Variants in DHTKD1 observed in about 807,000 individuals in gnomAD.
DHTKD1 encodes the protein 2-oxoadipate dehydrogenase complex component E1.
Under a neutral mutation model 101.8 loss-of-function variants are expected in DHTKD1, and 78 were observed. The observed-to-expected ratio is 0.77, with a 90% CI of 0.64 to 0.93. The LOEUF (loss-of-function observed/expected upper bound fraction) is 0.93, where lower values mean the gene tolerates loss of function less well. Among genes scored for constraint, DHTKD1 ranks in the 40% least tolerant of loss-of-function variants. The pLI is 0.00. For synonymous variants in DHTKD1, 462 were observed against 450.3 expected, an observed-to-expected ratio of 1.03 and a Z score of -0.33; for missense variants, 1,223 against 1,161.7, an observed-to-expected ratio of 1.05 and a Z score of -0.77.
At chr10:12,095,738 G>A (rs1252437043) in intron 7 of DHTKD1, among the ~76,000 whole-genome samples, 2 of 145,878 alleles carry the variant, frequency 1.4e-5, no homozygotes, top group Non-Finnish European at 3.0e-5. Flanking sequence ...GCGTGAACCC[G>A]GGAGGCGGAG....
chr10:12,101,615 T>A (rs1011774714), intron 10 of DHTKD1, among the ~76,000 whole-genome samples: 2 of 152,182 alleles, frequency 1.3e-5, no homozygotes, highest in African/African-American at 4.8e-5. Flanking sequence ...TTCTTTCTTT[T>A]TTTTCGGAGA....
chr10:12,091,933 T>G (rs1178909520), intron 6 of DHTKD1, among the ~76,000 whole-genome samples: 1 of 151,948 alleles, frequency 6.6e-6, no homozygotes, highest in Middle Eastern at 3.2e-3. Context: ...GCCTCCTGAT[T>G]AGCTGGGACC....
chr10:12,117,743 T>C lies in DHTKD1; in HGVS notation c.2390T>C (p.Val797Ala), dbSNP rs545835536. The change falls in exon 14 of 17, where the codon GTG becomes GCG. Residue 797 changes from valine (V) to alanine (A), a missense_variant. Transcript: ENST00000263035. ...AACCCGGTCATTGGTGATTCATCTG[T>C]GGATCCAAAAAAGTAAGATATGTAT... Reference protein sequence around the residue: ...TFNPVIGDSSVDPKKVKTLVF... With the variant: ...TFNPVIGDSSADPKKVKTLVF... 42 of 1,594,676 alleles carry C rather than the reference T, an allele frequency of 2.6e-5. 1 individual carries two copies. The East Asian group carries it at 4.1e-4, about 15-fold the overall frequency.
At chr10:12,105,109 T>C (rs7914296) in intron 10 of DHTKD1, among the ~76,000 whole-genome samples, 147,493 of 152,170 alleles carry the variant, frequency 0.97, 71,658 homozygotes, top group Middle Eastern at 1. Context: ...ATCCTCCTGC[T>C]TTGGCCTCCC....
chr10:12,116,556 A>ACT, intron 13 of DHTKD1, among the ~76,000 whole-genome samples: 1 of 151,374 alleles, frequency 6.6e-6, no homozygotes, highest in East Asian at 2.0e-4. Context: ...ACGCCCAGCT[A>ACT]ACTTTTATAA....
intron 1 of DHTKD1, among the ~76,000 whole-genome samples, chr10:12,080,870 C>T (rs955208489): frequency 1.3e-5 from 2 of 151,410 alleles, no homozygotes; most frequent in African/African-American, 4.9e-5. Flanking sequence ...GGTTCAAGAC[C>T]AACCTGGGCA....
chr10:12,069,006 A>T lies in DHTKD1; in HGVS notation c.-28A>T, dbSNP rs777686592. The T allele has an allele frequency of 1.2e-6, 2 of 1,612,010 alleles. No individual in the cohort carries two copies. The highest frequency in any genetic ancestry group is 1.7e-6 in the Non-Finnish European group (2 of 1,179,296). Reference sequence around the variant, plus strand: ...TGGGATCCCCTCGGGCTCCCGCCTTAGCATGCTGGCCGGGACATCTGGTGA... The same window carrying T: ...TGGGATCCCCTCGGGCTCCCGCCTTTGCATGCTGGCCGGGACATCTGGTGA... On this transcript the variant is annotated 5_prime_UTR_variant, in exon 1 of 17. Transcript: ENST00000263035.
intron 1 of DHTKD1, among the ~76,000 whole-genome samples, chr10:12,076,344 C>T (rs1832730689): frequency 1.3e-5 from 2 of 152,160 alleles, no homozygotes; most frequent in African/African-American, 4.8e-5. Context: ...GATGTGGTGG[C>T]ACAGGCCTGT....
In DHTKD1 at chr10:12,103,152, G is replaced by A. The variant is rs924361899; in HGVS notation, c.1896+1971G>A. ...GCAGGAGAATTGCTTGAACCCAGGA[G>A]GCAGAGGTAGTGAGCGGAGATCATA... On this transcript the variant is annotated intron_variant, in intron 10 of 16. Coordinates refer to ENST00000263035, the MANE Select transcript of DHTKD1 (RefSeq NM_018706.7). The surrounding 1 kb of genome is among the most constrained non-coding windows in gnomAD (Gnocchi z 4.8). Among the ~76,000 whole-genome samples, 3 of 152,076 alleles carry A rather than the reference G, an allele frequency of 2.0e-5. No homozygotes were observed. Among genetic ancestry groups the A allele is most frequent in the Non-Finnish European group, 2.9e-5 (2 of 68,030 alleles).
chr10:12,120,854 A>C lies in DHTKD1; in HGVS notation c.2726A>C (p.Gln909Pro). 1 of 1,614,104 alleles carries C rather than the reference A, an allele frequency of 6.2e-7. No individual in the cohort carries two copies. Among genetic ancestry groups the C allele is most frequent in the Non-Finnish European group, 8.5e-7 (1 of 1,179,960 alleles). The change falls in exon 17 of 17, where the codon CAG becomes CCG. Residue 909 changes from glutamine to proline, a missense_variant. Coordinates refer to ENST00000263035, the MANE Select transcript of DHTKD1 (RefSeq NM_018706.7). Reference protein sequence around the residue: ...AVGIGTVHLHQHEDILAKTFA With the variant: ...AVGIGTVHLHPHEDILAKTFA ...GGAATTGGCACAGTTCACTTGCACCAGCATGAAGATATCCTCGCCAAGACC... is the reference window on the plus strand; with the variant it reads ...GGAATTGGCACAGTTCACTTGCACCCGCATGAAGATATCCTCGCCAAGACC...
chr10:12,091,771 C>T (rs964636524), intron 6 of DHTKD1, 87 bp downstream of exon 6: 2 of 1,036,626 alleles, frequency 1.9e-6, no homozygotes, highest in African/African-American at 1.7e-5. Flanking sequence ...CAATGAGCCT[C>T]ACTGGTTATC....
intron 1 of DHTKD1, among the ~76,000 whole-genome samples, chr10:12,078,499 C>A (rs1230643355): frequency 2.0e-5 from 3 of 151,942 alleles, no homozygotes; most frequent in Non-Finnish European, 4.4e-5. Flanking sequence ...GCAACCCCAG[C>A]TACTTGGAGA....
chr10:12,090,235 C>A (rs1312420027), intron 5 of DHTKD1, among the ~76,000 whole-genome samples: 1 of 152,096 alleles, frequency 6.6e-6, no homozygotes, highest in Non-Finnish European at 1.5e-5. Context: ...ATATATAAGG[C>A]AATCAAATAT....
chr10:12,076,436 A>C (rs984720096), intron 1 of DHTKD1, among the ~76,000 whole-genome samples: 3 of 151,110 alleles, frequency 2.0e-5, no homozygotes, highest in African/African-American at 7.3e-5. Flanking sequence ...AGATGGTGCC[A>C]CTGCACTCCA....
chr10:12,081,526 C>G lies in DHTKD1; in HGVS notation c.209C>G (p.Ala70Gly), dbSNP rs34644609. The G allele has an allele frequency of 6.0e-3, 9,764 of 1,614,056 alleles. 39 individuals are homozygous for G. The highest frequency in any genetic ancestry group is 7.2e-3 in the Non-Finnish European group (8,478 of 1,179,956). Reference protein sequence around the residue: ...VTVYCEHGHKAAKINPLFTGQ... With the variant: ...VTVYCEHGHKGAKINPLFTGQ... ...GTATATTGTGAGCATGGTCATAAAG[C>G]TGCCAAAATCAACCCCCTCTTCACC... Residue 70 changes from alanine to glycine, a missense_variant, in exon 2 of 17, where the codon GCT becomes GGT. Transcript: ENST00000263035.
chr10:12,079,558 C>T (rs1380624249), intron 1 of DHTKD1, among the ~76,000 whole-genome samples: 2 of 152,060 alleles, frequency 1.3e-5, no homozygotes, highest in African/African-American at 4.8e-5. Context: ...GTCCCAGCTA[C>T]TCAGGAGGCT....
intron 16 of DHTKD1, among the ~76,000 whole-genome samples, 199 bp from the exon 17 acceptor site, chr10:12,120,588 G>A (rs1833512060): frequency 6.6e-6 from 1 of 151,818 alleles, no homozygotes; most frequent in Non-Finnish European, 1.5e-5. Flanking sequence ...CGCCCACCTC[G>A]GCCTCCCAAA....
At position 12,089,202 on chromosome 10, in the gene DHTKD1, G is replaced by A. The variant is rs775089419; in HGVS notation, c.934G>A (p.Asp312Asn). Reference protein sequence around the residue: ...RGRQQSRQDGDYSPDNSAQPG... With the variant: ...RGRQQSRQDGNYSPDNSAQPG... ...CAGGCAGCAGTCTCGCCAAGACGGC[G>A]ATTACTCTCCAGACAACTCAGCCCA... Residue 312 changes from aspartate (D) to asparagine (N), a missense_variant, in exon 5 of 17, where the codon GAT (aspartate) becomes AAT (asparagine). Asp to Asn is a conservative substitution (Grantham distance 23, BLOSUM62 1). Transcript: ENST00000263035. 34 of 1,614,016 alleles carry A rather than the reference G, an allele frequency of 2.1e-5. No homozygotes were observed. Among genetic ancestry groups the A allele is most frequent in the Middle Eastern group, 3.3e-4 (2 of 6,084 alleles).
chr10:12,075,461 C>T lies in DHTKD1; in HGVS notation c.155-6011C>T, dbSNP rs149320859. On this transcript the variant is annotated intron_variant, in intron 1 of 16. Coordinates refer to ENST00000263035, the MANE Select transcript of DHTKD1 (RefSeq NM_018706.7). ...TTCAGCGTGTTAGCCAGGATGGTCT[C>T]GATCTCCTGACCTTGTGATCCGTCC... Among the ~76,000 whole-genome samples the T allele has an allele frequency of 2.9e-3, 442 of 152,128 alleles. 2 individuals are homozygous for T. Among genetic ancestry groups the T allele is most frequent in the African/African-American group, 1.0e-2 (413 of 41,506 alleles).
Sources: gnomAD v4.1 joint callset for allele counts (sites outside exome capture counted in the v4.1 genomes callset) on GRCh38, gnomAD v4.1.1 for gene constraint, Gnocchi (gnomAD v3.1) non-coding constraint, MANE v1.5 for transcripts, NCBI Gene and HGNC (gene_info 2026-07-23, HGNC 2026-07-21) for gene names.